Variants in SNUPN observed in about 807,000 individuals in gnomAD.
SNUPN encodes snurportin-1.
Under a neutral mutation model 39.2 loss-of-function variants are expected in SNUPN, and 31 were observed. The observed-to-expected ratio is 0.79, with a 90% CI of 0.59 to 1.07. The LOEUF (loss-of-function observed/expected upper bound fraction) is 1.07, where lower values mean the gene tolerates loss of function less well. Among genes scored for constraint, SNUPN ranks in the 50% least tolerant of loss-of-function variants. The pLI, the probability that SNUPN is intolerant of heterozygous loss-of-function variation, is 0.00. For missense variants in SNUPN, 382 were observed against 434.2 expected (o/e 0.88, Z 1.07); for synonymous variants, 132 against 159.0 (o/e 0.83, Z 1.28).
intron 6 of SNUPN, among the ~76,000 whole-genome samples, chr15:75,605,543 T>C (rs568402024): frequency 1.3e-5 from 2 of 152,116 alleles, no homozygotes; most frequent in East Asian, 3.9e-4. Context: ...TCTTGATCTC[T>C]CCACCTCGAG....
intron 1 of SNUPN, among the ~76,000 whole-genome samples, 151 bp from the exon 2 acceptor site, chr15:75,621,207 T>G (rs1021411857): frequency 4.6e-5 from 7 of 151,696 alleles, no homozygotes; most frequent in African/African-American, 1.5e-4. Flanking sequence ...AAAAGGAAGT[T>G]AAAGGGTAAA....
At chr15:75,616,351 G>A (rs1216652801) in intron 3 of SNUPN, among the ~76,000 whole-genome samples, 1 of 151,878 alleles carries the variant, frequency 6.6e-6, no homozygotes, top group Admixed American at 6.6e-5. Flanking sequence ...CCAGCTACTC[G>A]GGAGGCTGAA....
rs774686425 is a variant in SNUPN, at chr15:75,598,629, G to A, written c.812C>T (p.Thr271Ile). The change falls in exon 9 of 9, where the codon ACT becomes ATT. Residue 271 changes from threonine (T) to isoleucine (I), a missense_variant. Thr to Ile is a moderately conservative substitution (Grantham distance 89). Coordinates refer to ENST00000308588, the MANE Select transcript of SNUPN (RefSeq NM_005701.4). ...HKQTHYSPGS[T>I]PLVGWLRPYM... is the part of the protein sequence containing the mutation. Reference sequence around the variant, plus strand: ...GGGGCGCAGCCAGCCCACCAAGGGAGTGCTTCCGGGGCTGTAGTGGGTCTG... The same window carrying A: ...GGGGCGCAGCCAGCCCACCAAGGGAATGCTTCCGGGGCTGTAGTGGGTCTG... The A allele has an allele frequency of 3.7e-6, 6 of 1,612,902 alleles. No individual in the cohort carries two copies. Among genetic ancestry groups the A allele is most frequent in the Non-Finnish European group, 5.1e-6 (6 of 1,178,898 alleles).
At chr15:75,607,550 C>T (rs1567552319) in intron 5 of SNUPN, among the ~76,000 whole-genome samples, 1 of 152,176 alleles carries the variant, frequency 6.6e-6, no homozygotes, top group South Asian at 2.1e-4. Context: ...AAACCTTAAG[C>T]AAAGTGAGAA....
chr15:75,611,840 C>A (rs1013779019), intron 3 of SNUPN, among the ~76,000 whole-genome samples: 3 of 151,716 alleles, frequency 2.0e-5, no homozygotes, highest in African/African-American at 7.3e-5. Flanking sequence ...GGCGACAGAG[C>A]GAGACCCCGT....
intron 1 of SNUPN, among the ~76,000 whole-genome samples, chr15:75,622,096 C>T (rs1249547643): frequency 1.3e-5 from 2 of 152,102 alleles, no homozygotes; most frequent in Non-Finnish European, 2.9e-5. Context: ...TTACAGGTGG[C>T]TCATGCCTGT....
At chr15:75,622,524 A>C in intron 1 of SNUPN, 1 of 978,322 alleles carries the variant, frequency 1.0e-6, no homozygotes, top group Non-Finnish European at 1.2e-6. Flanking sequence ...AGGTGAATTC[A>C]CACTTCATTC....
At chr15:75,624,785 TTTTTGAGACAGAG>T (rs768848744) in intron 1 of SNUPN, 3 of 1,272,736 alleles carry the variant, frequency 2.4e-6, no homozygotes, top group African/African-American at 1.5e-5. Context: ...TGTTGTTTTT[TTTTTGAGACAGAG>T]TTTCGCTCTT....
At chr15:75,616,426 C>A (rs576672304) in intron 3 of SNUPN, among the ~76,000 whole-genome samples, 4 of 151,834 alleles carry the variant, frequency 2.6e-5, no homozygotes, top group African/African-American at 7.2e-5. Context: ...CCACTGCACT[C>A]CAGCCTGGGC....
intron 3 of SNUPN, among the ~76,000 whole-genome samples, chr15:75,611,804 G>A (rs1434658020): frequency 1.3e-5 from 2 of 151,682 alleles, no homozygotes; most frequent in Admixed American, 6.6e-5. Flanking sequence ...GCAGTGAGCC[G>A]AGATAGCACC....
intron 6 of SNUPN, among the ~76,000 whole-genome samples, chr15:75,606,946 C>T (rs1324221570): frequency 6.6e-6 from 1 of 152,194 alleles, no homozygotes; most frequent in Admixed American, 6.5e-5. Flanking sequence ...GTGGGTGCAG[C>T]TGCTATCAAG....
rs755814079 is a variant in SNUPN at position 75,598,465 on chromosome 15, G to A, written c.976C>T (p.His326Tyr). The part of the protein sequence containing the change: ...QKEGMKEKLT[H>Y]KASENGHYEL... ...TAGTGCCCATTCTCAGAGGCCTTGT[G>A]TGTGAGTTTCTCCTTCATGCCTTCC... The change falls in exon 9 of 9, where the codon CAC becomes TAC. Residue 326 changes from histidine to tyrosine, a missense_variant. Coordinates refer to ENST00000308588, the MANE Select transcript of SNUPN (RefSeq NM_005701.4). The A allele has an allele frequency of 2.2e-5, 35 of 1,614,108 alleles. No homozygotes were observed. The South Asian group carries it at 3.7e-4, about 17-fold the overall frequency.
intron 2 of SNUPN, among the ~76,000 whole-genome samples, chr15:75,618,429 G>T (rs767181278): frequency 6.6e-6 from 1 of 152,016 alleles, no homozygotes; most frequent in Non-Finnish European, 1.5e-5. Context: ...TTCAAAAAAG[G>T]TCACTTAGTT....
intron 2 of SNUPN, among the ~76,000 whole-genome samples, chr15:75,619,973 T>C (rs1893028784): frequency 6.6e-6 from 1 of 152,132 alleles, no homozygotes; most frequent in Non-Finnish European, 1.5e-5. Context: ...AGTCTCGAAC[T>C]CCTGACCTCA....
At position 75,601,124 on chromosome 15, in the gene SNUPN, A is replaced by C. The variant is rs759192455; in HGVS notation, c.759+14T>G. On this transcript the variant is annotated intron_variant, in intron 8 of 8. Transcript: ENST00000308588. ...ATCATCATGTCAAGGCAATAAAGAC[A>C]ATGGTTTCGTTACCTCAAAAGGGAA... is the stretch of plus-strand genomic sequence containing the variant. 17 of 1,592,370 alleles carry C rather than the reference A, an allele frequency of 1.1e-5. No individual in the cohort carries two copies. Among genetic ancestry groups the C allele is most frequent in the Admixed American group, 8.3e-5 (5 of 59,964 alleles).
At chr15:75,619,310 A>T (rs1441708864) in intron 2 of SNUPN, among the ~76,000 whole-genome samples, 1 of 151,718 alleles carries the variant, frequency 6.6e-6, no homozygotes, top group Non-Finnish European at 1.5e-5. Context: ...GCTTTTGTAC[A>T]CATACTACCA....
chr15:75,613,689 A>G (rs1892858406), intron 3 of SNUPN, among the ~76,000 whole-genome samples: 1 of 151,848 alleles, frequency 6.6e-6, no homozygotes, highest in African/African-American at 2.4e-5. Flanking sequence ...TAACATCATT[A>G]GTCACTAGGG....
chr15:75,608,154 G>A (rs1351701939), intron 5 of SNUPN, among the ~76,000 whole-genome samples: 3 of 152,134 alleles, frequency 2.0e-5, no homozygotes, highest in African/African-American at 7.2e-5. Flanking sequence ...GCCAAGGCAG[G>A]CAGATGGCTT....
At chr15:75,609,459 G>C in intron 5 of SNUPN, 99 bp downstream of exon 5, 1 of 861,472 alleles carries the variant, frequency 1.2e-6, no homozygotes, top group Non-Finnish European at 2.0e-6. Flanking sequence ...AAAGTGCTGG[G>C]ATTACAGGCG....
Sources: allele counts gnomAD v4.1 joint callset (sites outside exome capture counted in the v4.1 genomes callset), GRCh38; gene constraint gnomAD v4.1.1; transcripts MANE v1.5; gene names NCBI Gene and HGNC (gene_info 2026-07-23, HGNC 2026-07-21).